Variants in CDKAL1 observed in about 807,000 individuals in gnomAD.
CDKAL1 encodes threonylcarbamoyladenosine tRNA methylthiotransferase.
Under a neutral mutation model 68.2 loss-of-function variants are expected in CDKAL1, and 32 were observed. The ratio of observed to expected loss-of-function variants is 0.47; its 90% confidence interval spans 0.35 to 0.63. The LOEUF (loss-of-function observed/expected upper bound fraction) is 0.63. Among genes scored for constraint, CDKAL1 ranks in the 30% least tolerant of loss-of-function variants. CDKAL1 has a pLI of 0.00. For missense variants in CDKAL1, 606 were observed against 696.7 expected (o/e 0.87, Z 1.47); for synonymous variants, 234 against 244.3 (o/e 0.96, Z 0.39).
chr6:20,715,713 A>C (rs914573621), intron 5 of CDKAL1, among the ~76,000 whole-genome samples: 1 of 152,146 alleles, frequency 6.6e-6, no homozygotes, highest in Non-Finnish European at 1.5e-5. Context: ...GCTTTCATCA[A>C]TGCTTGTTAT....
chr6:21,138,217 G>GTGTGTGTGTA (rs1775714076), intron 13 of CDKAL1, among the ~76,000 whole-genome samples: 2 of 88,340 alleles, frequency 2.3e-5, no homozygotes, highest in Admixed American at 2.6e-4. Flanking sequence ...ACCCACATTT[G>GTGTGTGTGTA]TGTGTGTGTA....
intron 13 of CDKAL1, among the ~76,000 whole-genome samples, chr6:21,125,610 C>T (rs1036992430): frequency 2.0e-5 from 3 of 152,060 alleles, no homozygotes; most frequent in Non-Finnish European, 2.9e-5. Flanking sequence ...GGGGGTGGGG[C>T]GGAGGTTGCT....
At chr6:20,877,505 T>C (rs1488433544) in intron 9 of CDKAL1, among the ~76,000 whole-genome samples, 4 of 152,232 alleles carry the variant, frequency 2.6e-5, no homozygotes, top group African/African-American at 9.6e-5. Context: ...CGGGCCAGTC[T>C]GAGGTCACTG....
intron 10 of CDKAL1, among the ~76,000 whole-genome samples, chr6:20,992,214 ATTT>A (rs1766866247): frequency 1.3e-5 from 2 of 148,210 alleles, no homozygotes; most frequent in African/African-American, 5.1e-5. Context: ...ATATATATGT[ATTT>A]TGTATTATAT....
At chr6:20,678,690 T>TGAG (rs1400791069) in intron 5 of CDKAL1, among the ~76,000 whole-genome samples, 3 of 152,212 alleles carry the variant, frequency 2.0e-5, no homozygotes, top group Non-Finnish European at 2.9e-5. Context: ...TGGCATTAAG[T>TGAG]GAGGACTTAC....
chr6:21,127,384 C>A (rs1433464288), intron 13 of CDKAL1, among the ~76,000 whole-genome samples: 2 of 152,084 alleles, frequency 1.3e-5, no homozygotes, highest in Non-Finnish European at 2.9e-5. Context: ...TTTGATTGAA[C>A]CATGTTGGAC....
intron 10 of CDKAL1, among the ~76,000 whole-genome samples, chr6:20,981,368 A>G (rs1766134365): frequency 6.6e-6 from 1 of 152,164 alleles, no homozygotes. Flanking sequence ...GAGTAGCTTC[A>G]TACTTGGTAT....
chr6:20,679,769 G>C (rs965668335), intron 5 of CDKAL1, among the ~76,000 whole-genome samples: 1 of 151,934 alleles, frequency 6.6e-6, no homozygotes, highest in African/African-American at 2.4e-5. Context: ...ATTTGCCTTC[G>C]TTCATTATTT....
intron 10 of CDKAL1, among the ~76,000 whole-genome samples, chr6:20,960,963 T>G: frequency 6.6e-6 from 1 of 152,254 alleles, no homozygotes; most frequent in South Asian, 2.1e-4. Context: ...CTCCTCTTCC[T>G]GCTTGTTAAC....
At chr6:20,882,835 T>C (rs114794118) in intron 9 of CDKAL1, among the ~76,000 whole-genome samples, 2,024 of 152,310 alleles carry the variant, frequency 0.013, 31 homozygotes, top group African/African-American at 0.046. Context: ...TCTTTACTTA[T>C]TGTGATATGT....
chr6:20,631,477 T>TTTA (rs1767672497), intron 4 of CDKAL1, among the ~76,000 whole-genome samples: 1 of 152,200 alleles, frequency 6.6e-6, no homozygotes, highest in Admixed American at 6.5e-5. Flanking sequence ...ATTGGAAACT[T>TTTA]TTAACTCTTC....
chr6:21,113,635 CTT>C (rs1337954556), intron 13 of CDKAL1, among the ~76,000 whole-genome samples: 12 of 151,684 alleles, frequency 7.9e-5, no homozygotes, highest in Non-Finnish European at 1.5e-4. Flanking sequence ...ACCCGGCTAA[CTT>C]TTTGTATTTT....
chr6:20,874,474 T>G (rs1760392246), intron 9 of CDKAL1, among the ~76,000 whole-genome samples: 1 of 151,992 alleles, frequency 6.6e-6, no homozygotes, highest in African/African-American at 2.4e-5. Context: ...TGGCTAATTT[T>G]TTTTTGTATT....
chr6:21,040,786 G>T (rs374572682), intron 11 of CDKAL1, among the ~76,000 whole-genome samples: 1 of 152,090 alleles, frequency 6.6e-6, no homozygotes, highest in African/African-American at 2.4e-5. Flanking sequence ...TTAGTGTACA[G>T]AAATTAATTG....
chr6:20,849,235 G>A (rs1304771809), intron 9 of CDKAL1, among the ~76,000 whole-genome samples: 2 of 151,974 alleles, frequency 1.3e-5, no homozygotes, highest in Non-Finnish European at 2.9e-5. Context: ...AATATTTAAT[G>A]TTTTTATTTT....
At chr6:20,981,973 C>CT (rs1766174299) in intron 10 of CDKAL1, among the ~76,000 whole-genome samples, 1 of 152,172 alleles carries the variant, frequency 6.6e-6, no homozygotes, top group East Asian at 1.9e-4. Context: ...TTTGCAGTCT[C>CT]TAAGTTTGAA....
chr6:21,024,000 T>C (rs1158582116), intron 11 of CDKAL1, among the ~76,000 whole-genome samples: 2 of 152,226 alleles, frequency 1.3e-5, no homozygotes, highest in East Asian at 3.8e-4. Flanking sequence ...TTTTAATGTG[T>C]ACCATTTCCT....
intron 9 of CDKAL1, among the ~76,000 whole-genome samples, chr6:20,878,853 C>T (rs1300133965): frequency 6.6e-6 from 1 of 151,732 alleles, no homozygotes; most frequent in Non-Finnish European, 1.5e-5. Context: ...CCAACGTGGG[C>T]GGATCACCTG....
chr6:21,223,211 C>A (rs1779600681), intron 15 of CDKAL1, among the ~76,000 whole-genome samples: 1 of 152,160 alleles, frequency 6.6e-6, no homozygotes, highest in Admixed American at 6.5e-5. Flanking sequence ...CTTGCTCTTT[C>A]TCATTTGTAT....
Sources: gnomAD v4.1 joint callset for allele counts (sites outside exome capture counted in the v4.1 genomes callset) on GRCh38, gnomAD v4.1.1 for gene constraint, MANE v1.5 for transcripts, NCBI Gene and HGNC (gene_info 2026-07-23, HGNC 2026-07-21) for gene names.